REC114: variants seen among roughly 807,000 people sequenced by gnomAD.
REC114 encodes the protein REC114 meiotic recombination protein.
A neutral mutation model predicts 31.3 loss-of-function variants in REC114; 27 were observed. That is an observed-to-expected ratio of 0.86 (90% confidence interval 0.64 to 1.19). The LOEUF (loss-of-function observed/expected upper bound fraction) is 1.19. REC114 is among the 50% of genes most tolerant of loss of function. The pLI, the probability that REC114 is intolerant of heterozygous loss-of-function variation, is 0.00. For synonymous variants in REC114, 134 were observed against 127.7 expected, an observed-to-expected ratio of 1.05 and a Z score of -0.33; for missense variants, 344 against 326.9, an observed-to-expected ratio of 1.05 and a Z score of -0.40.
chr15:73,499,545 C>T (rs1893575755), intron 2 of REC114, among the ~76,000 whole-genome samples: 3 of 152,150 alleles, frequency 2.0e-5, no homozygotes, highest in South Asian at 4.1e-4. Flanking sequence ...TATCTCTTGT[C>T]AGGGTTACTA....
At chr15:73,530,374 A>G (rs972265024) in intron 2 of REC114, among the ~76,000 whole-genome samples, 2 of 152,192 alleles carry the variant, frequency 1.3e-5, no homozygotes, top group Non-Finnish European at 2.9e-5. Context: ...TGAAAATTTA[A>G]TTTTTGCCTG....
chr15:73,474,418 A>C (rs925719448), intron 2 of REC114, among the ~76,000 whole-genome samples: 6 of 152,242 alleles, frequency 3.9e-5, no homozygotes, highest in African/African-American at 1.4e-4. Flanking sequence ...TATGTAAAGA[A>C]AATAAGAATC....
chr15:73,446,296 T>C lies in REC114; in HGVS notation c.159+2952T>C, dbSNP rs117758594. On this transcript the variant is annotated intron_variant, in intron 1 of 5. Transcript: ENST00000331090. ...TCACATGTGTGCACACATGCATACA[T>C]GTTTGTGTATTTTGGGCAGCAGTAG... 1.8e-4 allele frequency among the ~76,000 whole-genome samples: 28 copies of C among 152,226 alleles called. No homozygotes were observed. The East Asian group carries it at 5.4e-3, about 30-fold the overall frequency.
chr15:73,478,986 G>A (rs539228709), intron 2 of REC114, among the ~76,000 whole-genome samples: 1 of 152,066 alleles, frequency 6.6e-6, no homozygotes, highest in Non-Finnish European at 1.5e-5. Flanking sequence ...CATGATCTGT[G>A]TTCTGTAAAT....
At chr15:73,477,796 A>T (rs1381078216) in intron 2 of REC114, among the ~76,000 whole-genome samples, 3 of 152,060 alleles carry the variant, frequency 2.0e-5, no homozygotes, top group Non-Finnish European at 4.4e-5. Flanking sequence ...TTCATTATGA[A>T]TTTTTTTAGT....
chr15:73,491,203 T>C (rs796688279), intron 2 of REC114, among the ~76,000 whole-genome samples: 2 of 103,616 alleles, frequency 1.9e-5, no homozygotes, highest in African/African-American at 3.3e-5. Flanking sequence ...TATTTGTGTA[T>C]TATCTTAATT....
At chr15:73,509,237 TGTC>T (rs1184571312) in intron 2 of REC114, among the ~76,000 whole-genome samples, 3 of 150,512 alleles carry the variant, frequency 2.0e-5, no homozygotes, top group African/African-American at 7.5e-5. Flanking sequence ...GCTGCATAAA[TGTC>T]TTCTTTTGAG....
intron 1 of REC114, among the ~76,000 whole-genome samples, chr15:73,451,059 C>T (rs1345796377): frequency 1.3e-5 from 2 of 152,170 alleles, no homozygotes; most frequent in Non-Finnish European, 2.9e-5. Flanking sequence ...GGCACCCTAA[C>T]ATCACAATTA....
chr15:73,481,650 C>CTTTTTT (rs530704232), intron 2 of REC114, among the ~76,000 whole-genome samples: 1 of 114,072 alleles, frequency 8.8e-6, no homozygotes, highest in Non-Finnish European at 1.8e-5. Context: ...TCTTAACTCC[C>CTTTTTT]TTTTTTTTTT....
At chr15:73,501,129 G>C (rs773771360) in intron 2 of REC114, among the ~76,000 whole-genome samples, 2 of 152,144 alleles carry the variant, frequency 1.3e-5, no homozygotes, top group African/African-American at 4.8e-5. Context: ...AAGTGTATCC[G>C]TGTAAATGAG....
chr15:73,532,025 G>T (rs1327043821), intron 2 of REC114, among the ~76,000 whole-genome samples: 2 of 145,354 alleles, frequency 1.4e-5, no homozygotes, highest in Non-Finnish European at 1.5e-5. Flanking sequence ...GGGTACATGT[G>T]CACATTGTGC....
intron 1 of REC114, among the ~76,000 whole-genome samples, chr15:73,471,433 G>A (rs1319968673): frequency 1.3e-5 from 2 of 152,184 alleles, no homozygotes; most frequent in Non-Finnish European, 2.9e-5. Flanking sequence ...AGGTGAAAAT[G>A]TTGTGATGTC....
At chr15:73,539,965 CT>C (rs1311880226) in intron 2 of REC114, among the ~76,000 whole-genome samples, 1 of 151,992 alleles carries the variant, frequency 6.6e-6, no homozygotes, top group Admixed American at 6.6e-5. Flanking sequence ...CCCTCTTTGC[CT>C]TTTTTTGTTT....
chr15:73,478,792 C>T (rs1893252599), intron 2 of REC114, among the ~76,000 whole-genome samples: 1 of 152,012 alleles, frequency 6.6e-6, no homozygotes, highest in South Asian at 2.1e-4. Context: ...TAAATTTATC[C>T]ACAAATATTT....
chr15:73,462,583 G>A (rs1311522010), intron 1 of REC114, among the ~76,000 whole-genome samples: 1 of 152,062 alleles, frequency 6.6e-6, no homozygotes, highest in Non-Finnish European at 1.5e-5. Flanking sequence ...GCATCATCTA[G>A]CTTTAAGAAT....
At chr15:73,484,012 G>A (rs1893332523) in intron 2 of REC114, 2 of 152,100 alleles carry the variant, frequency 1.3e-5, no homozygotes, top group African/African-American at 4.8e-5. Context: ...TTCACTGTAG[G>A]GACTGGGTTA....
intron 2 of REC114, among the ~76,000 whole-genome samples, chr15:73,528,738 T>C (rs562168450): frequency 6.6e-6 from 1 of 152,358 alleles, no homozygotes; most frequent in East Asian, 1.9e-4. Flanking sequence ...TGTTTGTGGC[T>C]GCTTTCGTGC....
At chr15:73,537,070 G>T in intron 2 of REC114, among the ~76,000 whole-genome samples, 1 of 152,160 alleles carries the variant, frequency 6.6e-6, no homozygotes, top group Non-Finnish European at 1.5e-5. Context: ...GCACCTTCTA[G>T]TGTTAAGCAC....
At chr15:73,538,703 C>T (rs977138271) in intron 2 of REC114, among the ~76,000 whole-genome samples, 3 of 151,976 alleles carry the variant, frequency 2.0e-5, no homozygotes, top group Non-Finnish European at 4.4e-5. Flanking sequence ...GATCCGCCTG[C>T]CTCGGCCTCC....
Sources: gnomAD v4.1 joint callset for allele counts (sites outside exome capture counted in the v4.1 genomes callset) on GRCh38, gnomAD v4.1.1 for gene constraint, MANE v1.5 for transcripts, NCBI Gene and HGNC (gene_info 2026-07-23, HGNC 2026-07-21) for gene names.